Variants in SNTG1 observed in about 807,000 individuals in gnomAD.
SNTG1 encodes syntrophin gamma 1.
A neutral mutation model predicts 74.7 loss-of-function variants in SNTG1; 39 were observed. That is an observed-to-expected ratio of 0.52 (90% confidence interval 0.40 to 0.68). The LOEUF is 0.68. Among genes scored for constraint, SNTG1 ranks in the 30% least tolerant of loss-of-function variants. SNTG1 has a pLI of 0.00. For synonymous variants in SNTG1, 254 were observed against 217.1 expected, an observed-to-expected ratio of 1.17 and a Z score of -1.49; for missense variants, 685 against 609.5, an observed-to-expected ratio of 1.12 and a Z score of -1.30.
chr8:50,070,281 G>A (rs1366618053), intron 1 of SNTG1, among the ~76,000 whole-genome samples: 2 of 152,042 alleles, frequency 1.3e-5, no homozygotes, highest in East Asian at 1.9e-4. Flanking sequence ...TTTGAAAATC[G>A]AGATTAAAAA....
At chr8:50,132,159 GGGT>G (rs1426898133) in intron 1 of SNTG1, among the ~76,000 whole-genome samples, 2 of 152,002 alleles carry the variant, frequency 1.3e-5, no homozygotes, top group Non-Finnish European at 2.9e-5. Flanking sequence ...TGCTATTTAT[GGGT>G]CTATTGTCAT....
intron 18 of SNTG1, among the ~76,000 whole-genome samples, chr8:50,783,406 C>T (rs1249938269): frequency 3.3e-5 from 5 of 152,196 alleles, no homozygotes; most frequent in East Asian, 1.9e-4. Flanking sequence ...CAATGGCAGG[C>T]GCCCCTCCCC....
chr8:50,745,153 T>G (rs1276731437), intron 17 of SNTG1, among the ~76,000 whole-genome samples: 2 of 152,012 alleles, frequency 1.3e-5, no homozygotes, highest in Non-Finnish European at 2.9e-5. Context: ...ATCATATATG[T>G]GATAATGGGT....
At chr8:50,143,884 A>G (rs1406692431) in intron 1 of SNTG1, among the ~76,000 whole-genome samples, 1 of 152,242 alleles carries the variant, frequency 6.6e-6, no homozygotes, top group African/African-American at 2.4e-5. Context: ...ATTAAAAGTT[A>G]CATCATATAC....
chr8:50,324,760 C>G (rs2090670241), intron 2 of SNTG1, among the ~76,000 whole-genome samples: 1 of 151,812 alleles, frequency 6.6e-6, no homozygotes, highest in African/African-American at 2.4e-5. Flanking sequence ...TTGCTGAACT[C>G]TAGCTTATCA....
chr8:50,504,783 T>A (rs1171662345), intron 9 of SNTG1, among the ~76,000 whole-genome samples: 5 of 152,068 alleles, frequency 3.3e-5, no homozygotes, highest in Non-Finnish European at 1.5e-5. Context: ...AAATAAATAA[T>A]TAATTAAAAT....
chr8:49,925,115 T>C (rs1806903992), intron 1 of SNTG1, among the ~76,000 whole-genome samples: 3 of 152,214 alleles, frequency 2.0e-5, no homozygotes, highest in Admixed American at 6.5e-5. Context: ...ATCATACCAC[T>C]GCATTCCAGT....
chr8:50,629,215 T>C (rs1291786536), intron 13 of SNTG1, among the ~76,000 whole-genome samples: 1 of 152,196 alleles, frequency 6.6e-6, no homozygotes, highest in Non-Finnish European at 1.5e-5. Context: ...GTTTCATTAT[T>C]CTACAGCAGA....
intron 2 of SNTG1, among the ~76,000 whole-genome samples, chr8:50,329,763 C>T (rs2090890398): frequency 6.6e-6 from 1 of 152,248 alleles, no homozygotes; most frequent in African/African-American, 2.4e-5. Flanking sequence ...CATATGGCTC[C>T]TCCTTACTTA....
chr8:50,305,611 G>GT (rs1563872174), intron 2 of SNTG1, among the ~76,000 whole-genome samples: 2 of 146,976 alleles, frequency 1.4e-5, no homozygotes, highest in Non-Finnish European at 3.0e-5. Context: ...CTTTGTTTTT[G>GT]TATTTTTTCC....
intron 12 of SNTG1, among the ~76,000 whole-genome samples, chr8:50,572,662 A>G (rs568424673): frequency 2.0e-5 from 3 of 152,328 alleles, no homozygotes; most frequent in African/African-American, 7.2e-5. Flanking sequence ...TGTGAGCTCT[A>G]GAAGCAAAAG....
At chr8:49,925,315 A>G (rs889197145) in intron 1 of SNTG1, among the ~76,000 whole-genome samples, 5 of 152,222 alleles carry the variant, frequency 3.3e-5, no homozygotes, top group Admixed American at 1.3e-4. Flanking sequence ...TTCCTTCATG[A>G]TAACATCTTA....
At chr8:50,416,205 C>G (rs944918382) in intron 4 of SNTG1, among the ~76,000 whole-genome samples, 1 of 152,124 alleles carries the variant, frequency 6.6e-6, no homozygotes, top group Admixed American at 6.6e-5. Context: ...GGCATTCACT[C>G]AGTGATAATC....
At chr8:50,402,519 G>C (rs2092820057) in intron 4 of SNTG1, among the ~76,000 whole-genome samples, 175 bp downstream of exon 4, 1 of 152,096 alleles carries the variant, frequency 6.6e-6, no homozygotes, top group South Asian at 2.1e-4. Flanking sequence ...ACCTTGCCTG[G>C]GGTCCATGAA....
At chr8:50,509,658 A>G (rs1052638890) in intron 9 of SNTG1, among the ~76,000 whole-genome samples, 4 of 151,956 alleles carry the variant, frequency 2.6e-5, no homozygotes, top group East Asian at 1.9e-4. Context: ...ATTCCTAGGT[A>G]TTTTATTCTC....
At chr8:50,154,482 T>A (rs1399248014) in intron 1 of SNTG1, among the ~76,000 whole-genome samples, 1 of 152,086 alleles carries the variant, frequency 6.6e-6, no homozygotes, top group African/African-American at 2.4e-5. Context: ...ACCGGGTACC[T>A]CAGTTGGAAG....
In SNTG1 at chr8:49,967,528, C is replaced by A. The variant is rs144679632; in HGVS notation, c.-103+55297C>A. ...TCTTCACTTTTCATTGATTTTTGTT[C>A]TCAATTTTTATTAATTTATTATAAT... is the stretch of plus-strand genomic sequence containing the variant. On this transcript the variant is annotated intron_variant, in intron 1 of 18. Coordinates refer to ENST00000642720, the MANE Select transcript of SNTG1 (RefSeq NM_018967.5). 3.2e-3 allele frequency among the ~76,000 whole-genome samples: 484 copies of A among 152,020 alleles called. 1 individual carries two copies. The highest frequency in any genetic ancestry group is 5.8e-3 in the Non-Finnish European group (391 of 67,986).
intron 2 of SNTG1, among the ~76,000 whole-genome samples, chr8:50,222,009 T>C (rs1402858005): frequency 4.6e-5 from 7 of 152,120 alleles, no homozygotes; most frequent in Non-Finnish European, 1.0e-4. Context: ...TGGTAGGAGA[T>C]GCAATCTTAG....
At chr8:50,638,299 T>A (rs923448337) in intron 13 of SNTG1, among the ~76,000 whole-genome samples, 3 of 152,250 alleles carry the variant, frequency 2.0e-5, no homozygotes, top group African/African-American at 7.2e-5. Flanking sequence ...TGTGCTGTTA[T>A]AAACCACCAA....
Sources: gnomAD v4.1 joint callset for allele counts (sites outside exome capture counted in the v4.1 genomes callset) on GRCh38, gnomAD v4.1.1 for gene constraint, MANE v1.5 for transcripts, NCBI Gene and HGNC (gene_info 2026-07-23, HGNC 2026-07-21) for gene names.